The following CCAR1 variants were observed in gnomAD, a reference collection of about 807,000 sequenced individuals.
The protein encoded by CCAR1 is cell division cycle and apoptosis regulator 1.
In CCAR1, 78 loss-of-function variants were observed where a neutral mutation model predicts 163.8. The ratio of observed to expected loss-of-function variants is 0.48; its 90% CI spans 0.40 to 0.57. The LOEUF is 0.57. CCAR1 is among the 20% of genes least tolerant of loss of function. CCAR1 has a pLI of 0.00. For synonymous variants in CCAR1, 443 were observed against 460.7 expected (o/e 0.96, Z 0.49); for missense variants, 1,019 against 1,365.2 (o/e 0.75, Z 4.00).
intron 6 of CCAR1, among the ~76,000 whole-genome samples, chr10:68,744,200 T>C (rs1208605377): frequency 2.0e-5 from 3 of 152,232 alleles, no homozygotes; most frequent in Non-Finnish European, 2.9e-5. Context: ...AGCTATAATT[T>C]TGTATTTTTT....
At chr10:68,748,216 A>G (rs2056283068) in intron 8 of CCAR1, among the ~76,000 whole-genome samples, 1 of 152,088 alleles carries the variant, frequency 6.6e-6, no homozygotes, top group African/African-American at 2.4e-5. Flanking sequence ...GGTGGCTCAC[A>G]CCGTAATCCC....
chr10:68,743,709 A>AT (rs2056215017), intron 6 of CCAR1, among the ~76,000 whole-genome samples: 1 of 149,196 alleles, frequency 6.7e-6, no homozygotes, highest in Non-Finnish European at 1.5e-5. Context: ...CACCCGGCTA[A>AT]TTTTTGTATT....
intron 6 of CCAR1, among the ~76,000 whole-genome samples, chr10:68,744,203 T>C (rs535618431): frequency 6.6e-6 from 1 of 152,350 alleles, no homozygotes; most frequent in East Asian, 1.9e-4. Flanking sequence ...TATAATTTTG[T>C]ATTTTTTCCT....
intron 14 of CCAR1, 41 bp from the exon 15 acceptor site, chr10:68,757,253 G>A: frequency 2.0e-6 from 2 of 975,744 alleles, no homozygotes; most frequent in Non-Finnish European, 3.2e-6. Flanking sequence ...TTTATTTTAA[G>A]GTTTCATAAT....
intron 1 of CCAR1, among the ~76,000 whole-genome samples, chr10:68,722,140 G>C (rs1325902842): frequency 6.6e-6 from 1 of 152,114 alleles, no homozygotes; most frequent in Non-Finnish European, 1.5e-5. Context: ...TGAACTTTTT[G>C]TTAACAATTG....
chr10:68,789,825 A>G lies in CCAR1; in HGVS notation c.3303A>G (p.Glu1101=), dbSNP rs762464550. 1.6e-5 allele frequency: 26 copies of G among 1,608,538 alleles called. No homozygotes were observed. The South Asian group carries it at 2.9e-4, about 18-fold the overall frequency. ...TACAAGAAAACTTAAAGATTTCGGA[A>G]AACATGAATTTACAATTTGAAAACC... ...SQLQENLKIS[E]NMNLQFENQM... Residue 1101 remains glutamate (E), a synonymous_variant, in exon 24 of 25, where the codon GAA becomes GAG. Coordinates refer to ENST00000265872, the MANE Select transcript of CCAR1 (RefSeq NM_018237.4).
Position 68,749,505 on chromosome 10 carries a change from T to C in CCAR1, c.957-19T>C. The stretch of plus-strand genomic sequence containing the variant: ...ATAATATTAGAAATATTAGTAATTT[T>C]AGAAAAATTTGCTTTCAGTCGTGAG... On this transcript the variant is annotated intron_variant, in intron 9 of 24. Coordinates refer to ENST00000265872, the MANE Select transcript of CCAR1 (RefSeq NM_018237.4). 6.3e-7 allele frequency: 1 copy of C among 1,596,906 alleles called. No individual in the cohort carries two copies. The highest frequency in any genetic ancestry group is 2.3e-5 in the East Asian group (1 of 44,394).
At chr10:68,739,070 C>A (rs1016486954) in intron 4 of CCAR1, among the ~76,000 whole-genome samples, 1 of 152,196 alleles carries the variant, frequency 6.6e-6, no homozygotes, top group Non-Finnish European at 1.5e-5. Context: ...GACACATTCT[C>A]TAGGAACTGT....
intron 18 of CCAR1, among the ~76,000 whole-genome samples, chr10:68,772,640 C>T (rs1387255453): frequency 1.3e-5 from 2 of 151,838 alleles, no homozygotes; most frequent in East Asian, 3.8e-4. Context: ...CACCTGTAAT[C>T]CCAGCACTTT....
At chr10:68,740,247 G>T (rs1685591617) in intron 4 of CCAR1, among the ~76,000 whole-genome samples, 1 of 152,170 alleles carries the variant, frequency 6.6e-6, no homozygotes, top group African/African-American at 2.4e-5. Context: ...ATCAGGTTCT[G>T]TATTTTTATT....
At chr10:68,766,176 G>A (rs1215563959) in intron 17 of CCAR1, 97 bp downstream of exon 17, 8 of 800,108 alleles carry the variant, frequency 1.0e-5, no homozygotes, top group Non-Finnish European at 1.1e-5. Context: ...TTTGTTTTTC[G>A]CTTTTCGTGG....
chr10:68,747,142 TTTC>T lies in CCAR1; in HGVS notation c.519-16_519-14del, dbSNP rs773306579. ...AATTGTATTTATATTTAACTTTTTT[TTTC>T]TTTTTTTTTTTACAGTGCTGTCAAA... On this transcript the variant is annotated splice_polypyrimidine_tract_variant and intron_variant, in intron 6 of 24. Transcript: ENST00000265872. The T allele has an allele frequency of 7.4e-7, 1 of 1,350,968 alleles. No individual in the cohort carries two copies. Among genetic ancestry groups the T allele is most frequent in the South Asian group, 1.3e-5 (1 of 74,790 alleles). 83.7% of individuals were successfully genotyped at this position (1,350,968 alleles called of 1,614,324 possible). A position where few individuals can be genotyped will look rare whatever the true frequency, so the allele number is the denominator to read the frequency against.
intron 6 of CCAR1, among the ~76,000 whole-genome samples, chr10:68,743,177 C>T (rs2133336284): frequency 6.6e-6 from 1 of 150,666 alleles, no homozygotes; most frequent in East Asian, 2.0e-4. Context: ...TTCCCTTACT[C>T]TTCTTTCTTT....
At chr10:68,785,252 G>C (rs1421039732) in intron 19 of CCAR1, among the ~76,000 whole-genome samples, 1 of 145,882 alleles carries the variant, frequency 6.9e-6, no homozygotes, top group African/African-American at 2.5e-5. Flanking sequence ...ACAGGGTCTC[G>C]CTTTGTTTTC....
rs1268879870 is a variant in CCAR1 at position 68,771,406 on chromosome 10, C to A, written c.2499C>A (p.Gly833=). Residue 833 remains glycine, a synonymous_variant, in exon 18 of 25, where the codon GGC becomes GGA. Coordinates refer to ENST00000265872, the MANE Select transcript of CCAR1 (RefSeq NM_018237.4). ...DEPKPKRRKS[G]DDKDKKEDRD... is the part of the protein sequence containing the mutation. ...CAAAACCCAAACGGAGAAAATCAGG[C>A]GATGATAAAGATAAAAAAGAAGATA... The A allele has an allele frequency of 1.9e-6, 3 of 1,585,184 alleles. No individual in the cohort carries two copies. The highest frequency in any genetic ancestry group is 2.6e-6 in the Non-Finnish European group (3 of 1,167,548).
At chr10:68,742,688 T>C (rs916200114) in intron 6 of CCAR1, 119 bp downstream of exon 6, 8 of 782,324 alleles carry the variant, frequency 1.0e-5, no homozygotes, top group East Asian at 2.5e-5. Flanking sequence ...TCAAGTCGAC[T>C]CACTGCAGCC....
chr10:68,746,296 A>G (rs1268684929), intron 6 of CCAR1, among the ~76,000 whole-genome samples: 1 of 151,008 alleles, frequency 6.6e-6, no homozygotes. Flanking sequence ...ACTTTTTTTG[A>G]GATGGAGTCT....
Position 68,755,496 on chromosome 10 carries a change from A to G in CCAR1, c.1585A>G (p.Lys529Glu). The change falls in exon 13 of 25, where the codon AAG (lysine) becomes GAG (glutamate). Residue 529 changes from lysine (K) to glutamate (E), a missense_variant. By Grantham distance (56) the Lys-to-Glu change is moderately conservative. This residue lies in a region of CCAR1 where 644 missense variants were observed against 904.4 expected (regional missense o/e 0.71). Coordinates refer to ENST00000265872, the MANE Select transcript of CCAR1 (RefSeq NM_018237.4). ...VLIKTAIRCCKALTGIDLSVC... is the reference protein window; with the variant it reads ...VLIKTAIRCCEALTGIDLSVC... ...GATTAAGACTGCTATTCGTTGTTGT[A>G]AGGCTCTGACAGGCATTGATCTAAG... 6.2e-7 allele frequency: 1 copy of G among 1,614,160 alleles called. No homozygotes were observed. The highest frequency in any genetic ancestry group is 8.5e-7 in the Non-Finnish European group (1 of 1,179,984).
chr10:68,773,194 T>C, intron 19 of CCAR1, 95 bp downstream of exon 19: 2 of 662,694 alleles, frequency 3.0e-6, no homozygotes, highest in South Asian at 1.9e-5. Context: ...TTTAACATTT[T>C]TTTCTTTAGA....
Sources: allele counts gnomAD v4.1 joint callset (sites outside exome capture counted in the v4.1 genomes callset), GRCh38; gene constraint gnomAD v4.1.1; regional missense constraint gnomAD v4.1.1; transcripts MANE v1.5; gene names NCBI Gene and HGNC (gene_info 2026-07-23, HGNC 2026-07-21).